ADGRB2: variants seen among roughly 807,000 people sequenced by gnomAD.
ADGRB2 encodes the protein brain-specific angiogenesis inhibitor 2.
A neutral mutation model predicts 178.7 loss-of-function variants in ADGRB2; 47 were observed. The observed-to-expected ratio is 0.26, with a 90% CI of 0.21 to 0.34. The LOEUF (loss-of-function observed/expected upper bound fraction) is 0.34. Among genes scored for constraint, ADGRB2 ranks in the 10% least tolerant of loss-of-function variants. The pLI, the probability that ADGRB2 is intolerant of heterozygous loss-of-function variation, is 1.00. For missense variants in ADGRB2, 1,584 were observed against 2,180.8 expected, an observed-to-expected ratio of 0.73 and a Z score of 5.45; for synonymous variants, 870 against 912.4, an observed-to-expected ratio of 0.95 and a Z score of 0.84.
At chr1:31,737,034 T>G (rs764534934) in intron 20 of ADGRB2, among the ~76,000 whole-genome samples, 3 of 152,142 alleles carry the variant, frequency 2.0e-5, no homozygotes, top group Non-Finnish European at 4.4e-5. Context: ...GTGCCTGGCA[T>G]GCATGGTGCT....
At chr1:31,732,905 A>T in intron 26 of ADGRB2, 67 bp downstream of exon 26, 2 of 1,508,840 alleles carry the variant, frequency 1.3e-6, no homozygotes, top group Middle Eastern at 2.1e-4. Flanking sequence ...CGGTCTGCAC[A>T]GTGAGGAGAA....
At chr1:31,760,804 C>T (rs1428974708) in intron 1 of ADGRB2, 1 of 152,290 alleles carries the variant, frequency 6.6e-6, no homozygotes, top group Non-Finnish European at 1.5e-5. Context: ...CCTCAGGAGC[C>T]GCTCTCCTAG....
At chr1:31,730,676 G>A in intron 29 of ADGRB2, 124 bp downstream of exon 29, 3 of 1,277,690 alleles carry the variant, frequency 2.3e-6, no homozygotes, top group Non-Finnish European at 3.1e-6. Flanking sequence ...GAAATGCTCA[G>A]TGTATCCACT....
chr1:31,736,086 C>T (rs554520072), intron 22 of ADGRB2, among the ~76,000 whole-genome samples, 193 bp from the exon 23 acceptor site: 2 of 152,338 alleles, frequency 1.3e-5, no homozygotes, highest in East Asian at 1.9e-4. Context: ...ACATTAGGCT[C>T]ATCCCCCAGT....
In ADGRB2 at chr1:31,741,536, C is replaced by A; in HGVS notation, c.1688-57G>T. The A allele has an allele frequency of 6.3e-7, 1 of 1,586,214 alleles. No homozygotes were observed. The highest frequency in any genetic ancestry group is 8.6e-7 in the Non-Finnish European group (1 of 1,162,838). On this transcript the variant is annotated intron_variant, in intron 10 of 32. Coordinates refer to ENST00000373658, the MANE Select transcript of ADGRB2 (RefSeq NM_001364857.2). This position sits in a 1 kb window ranked among gnomAD's most constrained non-coding sequence, Gnocchi z 6.5. ...GGGGGCCGAGCTCTCACCCACACTC[C>A]TCCGTATCTCAGAGAGGCTGGGGGC...
chr1:31,745,958 C>T (rs1377790185), intron 4 of ADGRB2, among the ~76,000 whole-genome samples: 2 of 152,342 alleles, frequency 1.3e-5, no homozygotes, highest in South Asian at 2.1e-4. Flanking sequence ...TTTCCCTCCA[C>T]GTCAGTCACC....
intron 28 of ADGRB2, 100 bp downstream of exon 28, chr1:31,732,015 A>G: frequency 1.3e-6 from 2 of 1,495,678 alleles, no homozygotes; most frequent in Non-Finnish European, 1.9e-6. Flanking sequence ...GCTGGACTCC[A>G]GCAGCCAGAA....
chr1:31,738,669 A>G, intron 16 of ADGRB2, 39 bp from the exon 17 acceptor site: 3 of 1,611,106 alleles, frequency 1.9e-6, no homozygotes, highest in Non-Finnish European at 2.5e-6. Context: ...TAGGGAGGGA[A>G]GCTCACCACA....
chr1:31,759,813 AG>A lies in ADGRB2; in HGVS notation c.-190-2303del, dbSNP rs1646989749. 6.6e-6 allele frequency among the ~76,000 whole-genome samples: 1 copy of A among 152,022 alleles called. No individual in the cohort carries two copies. Among genetic ancestry groups the A allele is most frequent in the African/African-American group, 2.4e-5 (1 of 41,362 alleles). ...CTGATGACCCAGAGGCCTCTCCCTG[AG>A]CCACCCGGGAAGGGGACCTAGAAGG... On this transcript the variant is annotated intron_variant, in intron 1 of 32. Transcript: ENST00000373658. The surrounding 1 kb of genome is among the most constrained non-coding windows in gnomAD (Gnocchi z 4.3).
Position 31,741,739 on chromosome 1 carries a change from G to C in ADGRB2, c.1586-14C>G. 6.2e-7 allele frequency: 1 copy of C among 1,609,780 alleles called. No homozygotes were observed. The highest frequency in any genetic ancestry group is 8.5e-7 in the Non-Finnish European group (1 of 1,176,846). On this transcript the variant is annotated splice_polypyrimidine_tract_variant and intron_variant, in intron 9 of 32. Coordinates refer to ENST00000373658, the MANE Select transcript of ADGRB2 (RefSeq NM_001364857.2). The surrounding 1 kb of genome is among the most constrained non-coding windows in gnomAD (Gnocchi z 6.5). The stretch of plus-strand genomic sequence containing the variant: ...TCTCATGGAAGGCTGTGGGTGCAGG[G>C]GTAAGGTTCAGCTGGGTCCACACAT...
Position 31,731,112 on chromosome 1 carries a change from C to A in ADGRB2, c.4068G>T (p.Arg1356=). The A allele has an allele frequency of 6.3e-7, 1 of 1,582,598 alleles. No individual in the cohort carries two copies. Among genetic ancestry groups the A allele is most frequent in the Non-Finnish European group, 8.6e-7 (1 of 1,164,970 alleles). ...CGCCAGGCTGCAGGCTCAAAGTCCGCCGGGGCAGCACCATGTAGTCTCCCT... is the reference window on the plus strand; with the variant it reads ...CGCCAGGCTGCAGGCTCAAAGTCCGACGGGGCAGCACCATGTAGTCTCCCT... ...GSEGDYMVLP[R]RTLSLQPGGG... The change falls in exon 29 of 33, where the codon CGG becomes CGT. Residue 1356 remains arginine, a synonymous_variant. Coordinates refer to ENST00000373658, the MANE Select transcript of ADGRB2 (RefSeq NM_001364857.2).
rs113368429 is a variant in ADGRB2, at chr1:31,739,679, A to G, written c.2168-44T>C. On this transcript the variant is annotated intron_variant, in intron 14 of 32. Coordinates refer to ENST00000373658, the MANE Select transcript of ADGRB2 (RefSeq NM_001364857.2). ...GGACAGAGACAGACAGAGGGGCAGAAACAAAGGGTGGCAGACCAGGGGAAG... is the reference window on the plus strand; with the variant it reads ...GGACAGAGACAGACAGAGGGGCAGAGACAAAGGGTGGCAGACCAGGGGAAG... The G allele has an allele frequency of 5.0e-3, 7,688 of 1,537,842 alleles. 43 individuals are homozygous for G. Among genetic ancestry groups the G allele is most frequent in the East Asian group, 0.022 (993 of 44,214 alleles).
In ADGRB2 at chr1:31,735,914, G is replaced by A. The variant is rs779229370; in HGVS notation, c.3201-21C>T. The A allele has an allele frequency of 6.4e-7, 1 of 1,569,906 alleles. No homozygotes were observed. Among genetic ancestry groups the A allele is most frequent in the Admixed American group, 1.9e-5 (1 of 53,016 alleles). ...AGCAGCTGGGGTGGGGGAGAAGAAG[G>A]GTGTCAGACACCCAGCAGCCTCCCT... On this transcript the variant is annotated intron_variant, in intron 22 of 32. Transcript: ENST00000373658. This position sits in a 1 kb window ranked among gnomAD's most constrained non-coding sequence, Gnocchi z 6.0.
At chr1:31,737,862 C>T in intron 18 of ADGRB2, 107 bp from the exon 19 acceptor site, 2 of 1,016,700 alleles carry the variant, frequency 2.0e-6, no homozygotes, top group Non-Finnish European at 3.0e-6. Flanking sequence ...GGCAGAAGGG[C>T]AACACCTTCT....
intron 6 of ADGRB2, among the ~76,000 whole-genome samples, chr1:31,743,846 T>G (rs1412169712): frequency 6.6e-6 from 1 of 152,168 alleles, no homozygotes; most frequent in Non-Finnish European, 1.5e-5. Context: ...GGAGAAAGGA[T>G]AGGACAAGAA....
chr1:31,752,799 A>G (rs1487648660), intron 4 of ADGRB2, among the ~76,000 whole-genome samples: 1 of 152,088 alleles, frequency 6.6e-6, no homozygotes, highest in Non-Finnish European at 1.5e-5. Context: ...GGGGGTTCTG[A>G]GGCCCCAAGA....
Position 31,741,705 on chromosome 1 carries a change from C to T in ADGRB2, c.1606G>A (p.Asp536Asn). The change falls in exon 10 of 33, where the codon GAT (aspartate) becomes AAT (asparagine). Residue 536 changes from aspartate to asparagine, a missense_variant. Asp to Asn is a conservative substitution (Grantham distance 23, BLOSUM62 1). This residue lies in a region of ADGRB2 where 657 missense variants were observed against 847.6 expected (regional missense o/e 0.78). Coordinates refer to ENST00000373658, the MANE Select transcript of ADGRB2 (RefSeq NM_001364857.2). This position sits in a 1 kb window ranked among gnomAD's most constrained non-coding sequence, Gnocchi z 6.5. ...CACGTCATCAGCATCACGTACTCAT[C>T]CCTGCACATCTCATGGAAGGCTGTG... ...RCPAFHEMCR[D>N]EYVMLMTWKK... 6.2e-7 allele frequency: 1 copy of T among 1,613,884 alleles called. No individual in the cohort carries two copies. Among genetic ancestry groups the T allele is most frequent in the Non-Finnish European group, 8.5e-7 (1 of 1,179,812 alleles).
rs1483027506 is a variant in ADGRB2 at position 31,744,306 on chromosome 1, C to T, written c.974G>A (p.Cys325Tyr). The T allele has an allele frequency of 1.3e-6, 2 of 1,551,316 alleles. No homozygotes were observed. Among genetic ancestry groups the T allele is most frequent in the Non-Finnish European group, 1.7e-6 (2 of 1,146,944 alleles). Reference protein sequence around the residue: ...WSPWSVCSLTCGQGLQVRTRS... With the variant: ...WSPWSVCSLTYGQGLQVRTRS... ...GGTCCGCACCTGCAGACCCTGCCCA[C>T]ACGTCAGGGAACACACGCTCCACGG... Residue 325 changes from cysteine to tyrosine, a missense_variant, in exon 6 of 33, where the codon TGT becomes TAT. Physicochemically the swap from Cys to Tyr is radical, Grantham distance 194. Around this residue, in one of 3 missense-constraint regions of ADGRB2, gnomAD observed 657 missense variants for 847.6 expected, o/e 0.78. Transcript: ENST00000373658. This position sits in a 1 kb window ranked among gnomAD's most constrained non-coding sequence, Gnocchi z 6.7.
rs1646834435 is a variant in ADGRB2 at position 31,756,403 on chromosome 1, G to C, written c.434C>G (p.Ser145Ter). The stretch of plus-strand genomic sequence containing the variant: ...GAAGTGCAGGAAGGTAAAGGGGCCT[G>C]AGCCGCTGCACAGCTCCAACCCCGC... ...AAAGLELCSGSGPFTFLHFDK... is the reference protein window; with the variant it reads ...AAAGLELCSG Residue 145 changes from serine to a stop codon, truncating the protein, a stop_gained, in exon 4 of 33, where the codon TCA (serine) becomes TGA (stop). Coordinates refer to ENST00000373658, the MANE Select transcript of ADGRB2 (RefSeq NM_001364857.2). LOFTEE classifies it high-confidence loss of function. This position sits in a 1 kb window ranked among gnomAD's most constrained non-coding sequence, Gnocchi z 8.5. 1 of 1,612,992 alleles carries C rather than the reference G, an allele frequency of 6.2e-7. No homozygotes were observed. The highest frequency in any genetic ancestry group is 8.5e-7 in the Non-Finnish European group (1 of 1,179,926).
Sources: gnomAD v4.1 joint callset for allele counts (sites outside exome capture counted in the v4.1 genomes callset) on GRCh38, gnomAD v4.1.1 for gene constraint, gnomAD v4.1.1 regional missense constraint, Gnocchi (gnomAD v3.1) non-coding constraint, MANE v1.5 for transcripts, NCBI Gene and HGNC (gene_info 2026-07-23, HGNC 2026-07-21) for gene names.